Variants in CDC14A observed in about 807,000 individuals in gnomAD.
CDC14A encodes the protein cell division cycle 14A.
Under a neutral mutation model 74.4 loss-of-function variants are expected in CDC14A, and 53 were observed. The observed-to-expected ratio is 0.71, with a 90% CI of 0.57 to 0.89. CDC14A has a LOEUF of 0.89. CDC14A is among the 40% of genes least tolerant of loss of function. The probability of loss-of-function intolerance (pLI) is 0.00; values close to 1 mark genes in which losing one functional copy is unlikely to be tolerated. For synonymous variants in CDC14A, 247 were observed against 258.4 expected, an observed-to-expected ratio of 0.96 and a Z score of 0.43; for missense variants, 646 against 713.7, an observed-to-expected ratio of 0.91 and a Z score of 1.08.
intron 4 of CDC14A, among the ~76,000 whole-genome samples, chr1:100,418,406 A>C (rs1661807502): frequency 6.6e-6 from 1 of 152,168 alleles, no homozygotes; most frequent in Admixed American, 6.6e-5. Context: ...AACCTCAAAT[A>C]CCAGAGATAT....
intron 4 of CDC14A, among the ~76,000 whole-genome samples, chr1:100,412,234 C>T (rs1660810377): frequency 1.3e-5 from 2 of 151,992 alleles, no homozygotes; most frequent in South Asian, 2.1e-4. Flanking sequence ...TGTATCGTTC[C>T]GATTTCTCTT....
At chr1:100,393,451 G>A (rs539643566) in intron 4 of CDC14A, 88 of 776,252 alleles carry the variant, frequency 1.1e-4, no homozygotes, top group Non-Finnish European at 1.2e-4. Flanking sequence ...AGTTCATATC[G>A]TTTCATACTG....
At chr1:100,458,349 A>T (rs866159659) in intron 8 of CDC14A, among the ~76,000 whole-genome samples, 2 of 152,220 alleles carry the variant, frequency 1.3e-5, no homozygotes. Context: ...CTTTAAAAAC[A>T]TCATATAATC....
At chr1:100,434,519 A>C (rs907184163) in intron 5 of CDC14A, among the ~76,000 whole-genome samples, 9 of 152,166 alleles carry the variant, frequency 5.9e-5, no homozygotes, top group African/African-American at 1.9e-4. Flanking sequence ...AGTGAAGAAA[A>C]CCATTAAAAA....
chr1:100,488,474 T>C (rs1350774380), intron 11 of CDC14A, among the ~76,000 whole-genome samples: 1 of 152,208 alleles, frequency 6.6e-6, no homozygotes, highest in East Asian at 1.9e-4. Context: ...CTCTATGAGG[T>C]CTTCATTGTG....
chr1:100,478,343 T>C (rs995144334), intron 10 of CDC14A, among the ~76,000 whole-genome samples: 5 of 152,064 alleles, frequency 3.3e-5, no homozygotes, highest in Admixed American at 3.3e-4. Context: ...GTGTGAATGT[T>C]CCCCTGACCT....
intron 11 of CDC14A, among the ~76,000 whole-genome samples, chr1:100,493,298 A>G (rs899955175): frequency 1.3e-5 from 2 of 152,138 alleles, no homozygotes; most frequent in Non-Finnish European, 2.9e-5. Context: ...ATGAGGACCT[A>G]TGTGTTTTTT....
intron 15 of CDC14A, among the ~76,000 whole-genome samples, chr1:100,513,201 C>T (rs1443087625): frequency 6.6e-6 from 1 of 152,216 alleles, no homozygotes; most frequent in East Asian, 1.9e-4. Context: ...AGTACAGAGG[C>T]AGTTATGGGT....
intron 15 of CDC14A, among the ~76,000 whole-genome samples, chr1:100,501,266 G>A (rs576108323): frequency 6.6e-6 from 1 of 152,284 alleles, no homozygotes; most frequent in South Asian, 2.1e-4. Context: ...CATACCGATT[G>A]TGGATCAGCC....
chr1:100,459,120 C>CAGAGAGAGAGAGAG (rs1157099545), intron 8 of CDC14A, among the ~76,000 whole-genome samples: 2 of 148,606 alleles, frequency 1.3e-5, no homozygotes, highest in African/African-American at 5.2e-5. Flanking sequence ...CACACACACA[C>CAGAGAGAGAGAGAG]ACACACAGAG....
intron 6 of CDC14A, 46 bp from the exon 7 acceptor site, chr1:100,442,888 G>T (rs1375863269): frequency 8.0e-7 from 1 of 1,248,642 alleles, no homozygotes; most frequent in Non-Finnish European, 1.2e-6. Flanking sequence ...GATGAGTAGA[G>T]TTTATCAATT....
At chr1:100,352,220 G>T (rs1388517174), upstream of CDC14A, among the ~76,000 whole-genome samples, 3 of 152,192 alleles carry the variant, frequency 2.0e-5, no homozygotes, top group African/African-American at 7.2e-5. Context: ...TAAGTTTCTG[G>T]CCTACAGGCC....
chr1:100,448,331 G>A (rs1665773525), intron 7 of CDC14A, among the ~76,000 whole-genome samples: 1 of 152,160 alleles, frequency 6.6e-6, no homozygotes, highest in South Asian at 2.1e-4. Context: ...ACAAAATTAT[G>A]AGAATATTTT....
At chr1:100,477,242 T>C (rs115611130) in intron 10 of CDC14A, among the ~76,000 whole-genome samples, 2,527 of 152,120 alleles carry the variant, frequency 0.017, 83 homozygotes, top group African/African-American at 0.058. Context: ...ACAATATCCA[T>C]AGGAAATTAA....
Position 100,352,802 on chromosome 1 carries a change from C to G in CDC14A, c.-153C>G. 1 of 1,443,734 alleles carries G rather than the reference C, an allele frequency of 6.9e-7. No individual in the cohort carries two copies. Among genetic ancestry groups the G allele is most frequent in the Non-Finnish European group, 9.0e-7 (1 of 1,105,120 alleles). The allele number at this position is 1,443,734 out of a possible 1,614,324, so 89.4% of individuals were successfully genotyped here. A position where few individuals can be genotyped will look rare whatever the true frequency, so the allele number is the denominator to read the frequency against. ...GGCGCCCGGCGCGCTGACCCCGAAG[C>G]CGCCTCCGCCTTCGGCGCCTGCTGC... is the stretch of plus-strand genomic sequence containing the variant. On this transcript the variant is annotated 5_prime_UTR_variant, in exon 1 of 16. Transcript: ENST00000336454.
intron 2 of CDC14A, among the ~76,000 whole-genome samples, chr1:100,358,092 C>G (rs1652171860): frequency 6.6e-6 from 1 of 152,154 alleles, no homozygotes; most frequent in African/African-American, 2.4e-5. Context: ...AGAAATCATC[C>G]TTTGTCCTTG....
chr1:100,444,641 G>C (rs116458137), intron 7 of CDC14A, among the ~76,000 whole-genome samples: 3,010 of 152,022 alleles, frequency 0.02, 110 homozygotes, highest in African/African-American at 0.069. Context: ...TTAACCTCCC[G>C]CTCCTCCATT....
chr1:100,382,945 G>T (rs935598781), intron 3 of CDC14A, among the ~76,000 whole-genome samples: 1 of 152,198 alleles, frequency 6.6e-6, no homozygotes, highest in Admixed American at 6.5e-5. Flanking sequence ...CCTATCGGGG[G>T]TTATATACAC....
At chr1:100,407,635 T>G (rs1322201278) in intron 4 of CDC14A, among the ~76,000 whole-genome samples, 1 of 152,194 alleles carries the variant, frequency 6.6e-6, no homozygotes, top group Non-Finnish European at 1.5e-5. Context: ...TATAGGATCA[T>G]GTCATCTGCA....
Sources: allele counts gnomAD v4.1 joint callset (sites outside exome capture counted in the v4.1 genomes callset), GRCh38; gene constraint gnomAD v4.1.1; transcripts MANE v1.5; gene names NCBI Gene and HGNC (gene_info 2026-07-23, HGNC 2026-07-21).